The following RC3H1 variants were observed in gnomAD, a reference collection of about 807,000 sequenced individuals.
The protein encoded by RC3H1 is ring finger and CCCH-type domains 1, also known as roquin-1.
In RC3H1, 50 loss-of-function variants were observed where a neutral mutation model predicts 138.2. The ratio of observed to expected loss-of-function variants is 0.36; its 90% CI spans 0.29 to 0.46. The LOEUF (loss-of-function observed/expected upper bound fraction) is 0.46. RC3H1 is among the 20% of genes least tolerant of loss of function. The pLI is 1.00. For missense variants in RC3H1, 1,031 were observed against 1,388.1 expected (o/e 0.74, Z 4.09); for synonymous variants, 462 against 489.1 (o/e 0.94, Z 0.73).
intron 7 of RC3H1, among the ~76,000 whole-genome samples, chr1:173,973,489 T>C (rs1328693265): frequency 6.6e-6 from 1 of 151,164 alleles, no homozygotes; most frequent in East Asian, 1.9e-4. Flanking sequence ...TGAGCCGAGA[T>C]TGCACCACTG....
chr1:173,990,703 G>T (rs1661246273), intron 2 of RC3H1, among the ~76,000 whole-genome samples: 1 of 151,440 alleles, frequency 6.6e-6, no homozygotes, highest in Non-Finnish European at 1.5e-5. Flanking sequence ...CTCCCAAGTA[G>T]CTGGGACTCC....
chr1:173,939,694 G>A lies in RC3H1; in HGVS notation c.3252-823C>T, dbSNP rs180928236. On this transcript the variant is annotated intron_variant, in intron 19 of 19. Transcript: ENST00000367696. ...TATTAAAAATGCAAAAACTAGCCGG[G>A]TGTGGTGGCACGCGCCTGTAGTCCC... is the stretch of plus-strand genomic sequence containing the variant. Among the ~76,000 whole-genome samples the A allele has an allele frequency of 5.5e-4, 83 of 151,982 alleles. 1 individual carries two copies. The highest frequency in any genetic ancestry group is 1.1e-3 in the Admixed American group (17 of 15,234).
At chr1:173,954,435 G>A (rs1487349888) in intron 13 of RC3H1, among the ~76,000 whole-genome samples, 1 of 152,104 alleles carries the variant, frequency 6.6e-6, no homozygotes, top group Non-Finnish European at 1.5e-5. Flanking sequence ...TGGGGGGAGG[G>A]AAGGGGAGAG....
In RC3H1 at chr1:173,970,960, C is replaced by CTT. The variant is rs373953604; in HGVS notation, c.1222-345_1222-344dup. 3.5e-4 allele frequency among the ~76,000 whole-genome samples: 46 copies of CTT among 132,596 alleles called. 1 individual carries two copies. Among genetic ancestry groups the CTT allele is most frequent in the East Asian group, 8.8e-4 (4 of 4,538 alleles). 87.0% of individuals were successfully genotyped at this position (132,596 alleles called of 152,430 possible). A position where few individuals can be genotyped will look rare whatever the true frequency, so the allele number is the denominator to read the frequency against. On this transcript the variant is annotated intron_variant, in intron 8 of 19. Transcript: ENST00000367696. ...TGGGGACACTATGATCTCATTTCCA[C>CTT]TTTTTTTTTTTTTTTTTTTGAGAAG...
At chr1:173,952,642 T>C (rs1027152024) in intron 13 of RC3H1, among the ~76,000 whole-genome samples, 2 of 152,122 alleles carry the variant, frequency 1.3e-5, no homozygotes, top group Non-Finnish European at 2.9e-5. Context: ...TGAAATCTCT[T>C]TAATAGCAAT....
intron 1 of RC3H1, among the ~76,000 whole-genome samples, chr1:173,994,367 G>T (rs938124909): frequency 6.6e-6 from 1 of 152,094 alleles, no homozygotes; most frequent in Non-Finnish European, 1.5e-5. Context: ...ACTCCTGCCT[G>T]GGCGACACAG....
intron 6 of RC3H1, among the ~76,000 whole-genome samples, chr1:173,978,859 CCT>C (rs1660687531): frequency 6.6e-6 from 1 of 152,116 alleles, no homozygotes; most frequent in Non-Finnish European, 1.5e-5. Flanking sequence ...AAATGTGAGA[CCT>C]CTCTCAATTC....
chr1:173,963,450 T>G (rs545591595), intron 11 of RC3H1, among the ~76,000 whole-genome samples: 1 of 152,304 alleles, frequency 6.6e-6, no homozygotes, highest in South Asian at 2.1e-4. Flanking sequence ...CACATGCATC[T>G]ACTACTCATG....
chr1:173,970,400 G>C, intron 9 of RC3H1, 105 bp downstream of exon 9: 1 of 775,372 alleles, frequency 1.3e-6, no homozygotes, highest in Non-Finnish European at 2.2e-6. Context: ...TTCTAAAAAT[G>C]TCCTATTCAT....
At chr1:173,995,533 CAAAAAAA>C (rs1429449370) in intron 1 of RC3H1, among the ~76,000 whole-genome samples, 1 of 85,318 alleles carries the variant, frequency 1.2e-5, no homozygotes, top group South Asian at 3.6e-4. Context: ...GACTCCATCT[CAAAAAAA>C]AAAAAAAAGA....
Position 173,956,086 on chromosome 1 carries a change from G to A in RC3H1, c.2371-3948C>T, listed in dbSNP as rs192161398. Among the ~76,000 whole-genome samples the A allele has an allele frequency of 1.5e-3, 219 of 148,508 alleles. 2 individuals carry two copies. Among genetic ancestry groups the A allele is most frequent in the Admixed American group, 5.1e-3 (76 of 14,864 alleles). On this transcript the variant is annotated intron_variant, in intron 13 of 19. Transcript: ENST00000367696. ...GTGGAGGTTGCAGTGAGCCGAGATCGTGCCACTGCACTCTAGCCTGGGCAA... is the reference window on the plus strand; with the variant it reads ...GTGGAGGTTGCAGTGAGCCGAGATCATGCCACTGCACTCTAGCCTGGGCAA...
chr1:174,018,819 A>T (rs540255705), intron 1 of RC3H1, among the ~76,000 whole-genome samples: 5 of 152,258 alleles, frequency 3.3e-5, no homozygotes, highest in African/African-American at 4.8e-5. Context: ...TTCACCAAAC[A>T]GGGATCATTT....
intron 18 of RC3H1, 115 bp downstream of exon 18, chr1:173,943,327 T>C: frequency 1.1e-6 from 1 of 929,672 alleles, no homozygotes; most frequent in Non-Finnish European, 1.5e-6. Flanking sequence ...TTATTTTAAA[T>C]ATTAACCACT....
chr1:173,994,022 GAAAAAAAAAAAA>G (rs372280833), intron 1 of RC3H1, among the ~76,000 whole-genome samples: 1 of 46,958 alleles, frequency 2.1e-5, no homozygotes, highest in South Asian at 9.5e-4. Flanking sequence ...CTCCATCTCA[GAAAAAAAAAAAA>G]AAAAAAAAAA....
intron 8 of RC3H1, among the ~76,000 whole-genome samples, chr1:173,971,073 T>C (rs1482180001): frequency 6.6e-6 from 1 of 151,602 alleles, no homozygotes; most frequent in African/African-American, 2.4e-5. Context: ...GCGATTCTCC[T>C]GCCTCAGCCT....
chr1:173,978,595 TGTG>T lies in RC3H1; in HGVS notation c.992_994del (p.Ala331_Gln332delinsGlu). Reference sequence around the variant, plus strand: ...AGCAATTGTTAGTTCCTGAACACTCTGTGCAAAAGAGGCTGGAGTCTGCAACTT... The same window carrying T: ...AGCAATTGTTAGTTCCTGAACACTCTCAAAAGAGGCTGGAGTCTGCAACTT... On this transcript the variant is annotated inframe_deletion, in exon 7 of 20. Coordinates refer to ENST00000367696, the MANE Select transcript of RC3H1 (RefSeq NM_172071.4). 1 of 1,613,550 alleles carries T rather than the reference TGTG, an allele frequency of 6.2e-7. No homozygotes were observed. The highest frequency in any genetic ancestry group is 8.5e-7 in the Non-Finnish European group (1 of 1,179,726).
chr1:173,979,474 C>T (rs867154448), intron 6 of RC3H1, among the ~76,000 whole-genome samples: 64 of 152,224 alleles, frequency 4.2e-4, no homozygotes, highest in African/African-American at 1.4e-3. Flanking sequence ...GGTGAAACCC[C>T]GTCTCTACTA....
intron 11 of RC3H1, 33 bp downstream of exon 11, chr1:173,963,940 G>A: frequency 6.4e-7 from 1 of 1,566,628 alleles, no homozygotes; most frequent in Non-Finnish European, 8.8e-7. Context: ...TAATTCCTAA[G>A]AAAAGTTAGC....
rs1195395534 is a variant in RC3H1 at position 173,961,246 on chromosome 1, TA to T, written c.2203-3del. 8.1e-6 allele frequency: 13 copies of T among 1,602,614 alleles called. No individual in the cohort carries two copies. The highest frequency in any genetic ancestry group is 1.0e-5 in the Non-Finnish European group (12 of 1,176,494). On this transcript the variant is annotated splice_region_variant and splice_polypyrimidine_tract_variant and intron_variant, in intron 12 of 19. Coordinates refer to ENST00000367696, the MANE Select transcript of RC3H1 (RefSeq NM_172071.4). ...AGGAAGCCGGCTATAAGGAGGTTCC[TA>T]AAAATAGAAAGATTAGTTAAAATTG... is the stretch of plus-strand genomic sequence containing the variant.
Sources: allele counts gnomAD v4.1 joint callset (sites outside exome capture counted in the v4.1 genomes callset), GRCh38; gene constraint gnomAD v4.1.1; transcripts MANE v1.5; gene names NCBI Gene and HGNC (gene_info 2026-07-23, HGNC 2026-07-21).